WASL: variants seen among roughly 807,000 people sequenced by gnomAD.
WASL encodes the protein WASP like actin nucleation promoting factor.
A neutral mutation model predicts 55.5 loss-of-function variants in WASL; 20 were observed. The observed-to-expected ratio is 0.36, with a 90% CI of 0.25 to 0.52. The LOEUF (loss-of-function observed/expected upper bound fraction) is 0.52, where lower values mean the gene tolerates loss of function less well. Ranked by LOEUF, WASL falls within the 20% of genes least tolerant of loss-of-function variation. The pLI is 0.92. For missense variants in WASL, 504 were observed against 622.5 expected (o/e 0.81, Z 2.03); for synonymous variants, 249 against 217.6 (o/e 1.14, Z -1.27).
At chr7:123,736,747 TAATA>T (rs771344088) in intron 1 of WASL, among the ~76,000 whole-genome samples, 24 of 152,062 alleles carry the variant, frequency 1.6e-4, no homozygotes, top group Non-Finnish European at 2.8e-4. Context: ...ACAAGACAAA[TAATA>T]AATAAAAATT....
In WASL at chr7:123,692,375, T is replaced by C; in HGVS notation, c.1319A>G (p.Gln440Arg). 2 of 1,613,506 alleles carry C rather than the reference T, an allele frequency of 1.2e-6. No homozygotes were observed. The highest frequency in any genetic ancestry group is 2.2e-5 in the South Asian group (2 of 90,958). ...SCSGRDALLD[Q>R]IRQGIQLKSV... ...TTTTAGTTGGATACCCTGTCGTATCTGGTCTAACAGTGCATCTCGTCCAGA... is the reference window on the plus strand; with the variant it reads ...TTTTAGTTGGATACCCTGTCGTATCCGGTCTAACAGTGCATCTCGTCCAGA... The change falls in exon 9 of 11, where the codon CAG becomes CGG. Residue 440 changes from glutamine (Q) to arginine (R), a missense_variant. Gln to Arg is a conservative substitution (Grantham distance 43). Transcript: ENST00000223023.
At chr7:123,696,437 A>T in intron 6 of WASL, 142 bp downstream of exon 6, 1 of 686,186 alleles carries the variant, frequency 1.5e-6, no homozygotes, top group Non-Finnish European at 2.1e-6. Context: ...ACTCCAATAA[A>T]GTACATAGTT....
Position 123,738,424 on chromosome 7 carries a change from T to C in WASL, c.117+10194A>G, listed in dbSNP as rs73718472. On this transcript the variant is annotated intron_variant, in intron 1 of 10. Transcript: ENST00000223023. The stretch of plus-strand genomic sequence containing the variant: ...GACTGTTCCCTCTGTAATCTTGAGC[T>C]TGACACCTTCACAGATCTAATCCCA... Among the ~76,000 whole-genome samples the C allele has an allele frequency of 7.8e-3, 1,188 of 152,298 alleles. 21 individuals are homozygous for C. The highest frequency in any genetic ancestry group is 0.027 in the African/African-American group (1,139 of 41,564).
At chr7:123,741,554 A>G (rs1036859517) in intron 1 of WASL, among the ~76,000 whole-genome samples, 2 of 152,208 alleles carry the variant, frequency 1.3e-5, no homozygotes, top group African/African-American at 2.4e-5. Context: ...TGACTTCTAG[A>G]CAGAATAAAT....
chr7:123,700,998 T>C (rs1215321204), intron 5 of WASL, among the ~76,000 whole-genome samples: 1 of 152,214 alleles, frequency 6.6e-6, no homozygotes, highest in Non-Finnish European at 1.5e-5. Flanking sequence ...TTTGAAGATG[T>C]TAGGAAATAA....
At chr7:123,692,953 A>C (rs1803437747) in intron 8 of WASL, 86 bp from the exon 9 acceptor site, 1 of 1,303,524 alleles carries the variant, frequency 7.7e-7, no homozygotes. Context: ...AACATGTATA[A>C]AAATTGAATA....
At chr7:123,742,150 A>T (rs1804354234) in intron 1 of WASL, among the ~76,000 whole-genome samples, 1 of 152,230 alleles carries the variant, frequency 6.6e-6, no homozygotes, top group Non-Finnish European at 1.5e-5. Flanking sequence ...GCTTTCTAAT[A>T]TCCAGAGCAC....
chr7:123,728,378 G>A (rs1360670275), intron 1 of WASL, among the ~76,000 whole-genome samples: 2 of 152,130 alleles, frequency 1.3e-5, no homozygotes, highest in African/African-American at 4.8e-5. Flanking sequence ...GATCAAGTCT[G>A]GTGAAGACAG....
chr7:123,686,171 G>A (rs1258753066), intron 10 of WASL, among the ~76,000 whole-genome samples: 2 of 151,332 alleles, frequency 1.3e-5, no homozygotes, highest in Non-Finnish European at 3.0e-5. Flanking sequence ...CCTAAACTAA[G>A]TTGTTACTTT....
At chr7:123,737,596 C>CCAAAAA (rs1554407134) in intron 1 of WASL, among the ~76,000 whole-genome samples, 2 of 72,810 alleles carry the variant, frequency 2.7e-5, no homozygotes, top group African/African-American at 5.4e-5. Flanking sequence ...CTCCGTCTCC[C>CCAAAAA]AAAAAAAAAA....
chr7:123,689,106 A>G lies in WASL; in HGVS notation c.1392T>C (p.Thr464=). ...QESTPPTPAP[T]SGIVGALMEV... Reference sequence around the variant, plus strand: ...CCATTAATGCACCCACAATTCCTGAAGTGGGTGCAGGTGTTGGTGGTGTAG... The same window carrying G: ...CCATTAATGCACCCACAATTCCTGAGGTGGGTGCAGGTGTTGGTGGTGTAG... Residue 464 remains threonine (T), a synonymous_variant, in exon 10 of 11, where the codon ACT becomes ACC. Transcript: ENST00000223023. 2.5e-6 allele frequency: 4 copies of G among 1,613,582 alleles called. No homozygotes were observed. Among genetic ancestry groups the G allele is most frequent in the Non-Finnish European group, 3.4e-6 (4 of 1,179,906 alleles).
At chr7:123,713,475 T>A (rs1013038563) in intron 1 of WASL, among the ~76,000 whole-genome samples, 1 of 152,052 alleles carries the variant, frequency 6.6e-6, no homozygotes, top group Non-Finnish European at 1.5e-5. Flanking sequence ...TCAATAAATA[T>A]CCAAAATACA....
chr7:123,748,928 G>T lies in WASL; in HGVS notation c.-194C>A, dbSNP rs916280215. 10 of 575,136 alleles carry T rather than the reference G, an allele frequency of 1.7e-5. No homozygotes were observed. The allele number at this position is 575,136 out of a possible 1,614,324, so 35.6% of individuals were successfully genotyped here. The stretch of plus-strand genomic sequence containing the variant: ...CGGCGAGCCACCTTCGCGCCGCGCT[G>T]AGAAAGGGAAGCTCCCGGCACCCGC... On this transcript the variant is annotated 5_prime_UTR_variant, in exon 1 of 11. Transcript: ENST00000223023.
rs748301856 is a variant in WASL, at chr7:123,706,279, G to C, written c.434C>G (p.Ser145Cys). ...TTAAGTAATTAAAAAAGGGTTACCA[G>C]ATTTCCTTTGTCGACGGCCCAAAAG... ...TDLLGRRQRKSEKRRDPPNGP... is the reference protein window; with the variant it reads ...TDLLGRRQRKCEKRRDPPNGP... Residue 145 changes from serine (S) to cysteine (C), a missense_variant and splice_region_variant, in exon 4 of 11, where the codon TCT (serine) becomes TGT (cysteine). Transcript: ENST00000223023. The C allele has an allele frequency of 1.2e-6, 2 of 1,613,066 alleles. No homozygotes were observed. The highest frequency in any genetic ancestry group is 2.7e-5 in the African/African-American group (2 of 74,862).
intron 1 of WASL, among the ~76,000 whole-genome samples, chr7:123,725,983 A>C (rs922618668): frequency 2.6e-5 from 4 of 152,218 alleles, no homozygotes; most frequent in Non-Finnish European, 4.4e-5. Flanking sequence ...ACATAAGTTC[A>C]CTGTTAAATA....
intron 9 of WASL, among the ~76,000 whole-genome samples, chr7:123,691,697 A>ATT (rs1482024139): frequency 1.3e-5 from 2 of 152,210 alleles, no homozygotes; most frequent in Non-Finnish European, 2.9e-5. Flanking sequence ...GTAAGATTAA[A>ATT]TGATTACCTC....
At chr7:123,739,129 T>G (rs900399986) in intron 1 of WASL, among the ~76,000 whole-genome samples, 2 of 152,204 alleles carry the variant, frequency 1.3e-5, no homozygotes, top group Admixed American at 6.5e-5. Flanking sequence ...CCAATTTTCT[T>G]TCTCCAGATC....
intron 1 of WASL, among the ~76,000 whole-genome samples, chr7:123,715,163 CTTATATA>C (rs1247489449): frequency 6.6e-6 from 1 of 152,136 alleles, no homozygotes; most frequent in East Asian, 1.9e-4. Context: ...GATTCAAGTT[CTTATATA>C]TTATCTTCCT....
intron 1 of WASL, among the ~76,000 whole-genome samples, chr7:123,729,969 C>A (rs1042367063): frequency 3.9e-5 from 6 of 152,176 alleles, no homozygotes; most frequent in Admixed American, 6.5e-5. Flanking sequence ...GAGGAATTTT[C>A]TCTCCAGTGG....
Sources: gnomAD v4.1 joint callset for allele counts (sites outside exome capture counted in the v4.1 genomes callset) on GRCh38, gnomAD v4.1.1 for gene constraint, MANE v1.5 for transcripts, NCBI Gene and HGNC (gene_info 2026-07-23, HGNC 2026-07-21) for gene names.